Variants in JAM3 observed in about 807,000 individuals in gnomAD.
JAM3 encodes the protein junctional adhesion molecule C.
In JAM3, 31 loss-of-function variants were observed where a neutral mutation model predicts 39.4. That is an observed-to-expected ratio of 0.79 (90% CI 0.59 to 1.06). The LOEUF is 1.06. Ranked by LOEUF, JAM3 falls within the 50% of genes least tolerant of loss-of-function variation. The pLI, the probability that JAM3 is intolerant of heterozygous loss-of-function variation, is 0.00. For missense variants in JAM3, 455 were observed against 391.4 expected (o/e 1.16, Z -1.37); for synonymous variants, 182 against 148.7 (o/e 1.22, Z -1.63).
chr11:134,115,863 C>T (rs1362433871), intron 1 of JAM3, among the ~76,000 whole-genome samples: 1 of 152,130 alleles, frequency 6.6e-6, no homozygotes, highest in Non-Finnish European at 1.5e-5. Context: ...CGCCACTACA[C>T]TCAAGCCTGG....
chr11:134,113,222 A>C (rs1272927441), intron 1 of JAM3, among the ~76,000 whole-genome samples: 1 of 147,662 alleles, frequency 6.8e-6, no homozygotes, highest in Non-Finnish European at 1.5e-5. Flanking sequence ...TTAATACTTT[A>C]AGGGTACATG....
chr11:134,131,393 A>T (rs1005723719), intron 1 of JAM3, among the ~76,000 whole-genome samples: 1 of 152,080 alleles, frequency 6.6e-6, no homozygotes. Flanking sequence ...ATGGACTACT[A>T]CAGCCTTAAA....
intron 1 of JAM3, among the ~76,000 whole-genome samples, chr11:134,135,798 G>T (rs1942854300): frequency 6.6e-6 from 1 of 152,082 alleles, no homozygotes; most frequent in Non-Finnish European, 1.5e-5. Flanking sequence ...GCCAGGCGCG[G>T]TGGCCCACCC....
At chr11:134,079,485 A>G (rs1941629048) in intron 1 of JAM3, among the ~76,000 whole-genome samples, 1 of 152,158 alleles carries the variant, frequency 6.6e-6, no homozygotes, top group East Asian at 1.9e-4. Flanking sequence ...CACCCACTGC[A>G]TCTCTGGAAG....
intron 1 of JAM3, among the ~76,000 whole-genome samples, chr11:134,122,438 A>G (rs1302284465): frequency 6.6e-6 from 1 of 152,198 alleles, no homozygotes; most frequent in Non-Finnish European, 1.5e-5. Flanking sequence ...TGCCTTCCAC[A>G]AAGGATCAGA....
chr11:134,146,555 T>C (rs546620251), intron 6 of JAM3, among the ~76,000 whole-genome samples: 1 of 151,780 alleles, frequency 6.6e-6, no homozygotes, highest in African/African-American at 2.4e-5. Flanking sequence ...GGGGAGCTTT[T>C]TTTTTTCTTA....
intron 3 of JAM3, among the ~76,000 whole-genome samples, chr11:134,141,731 G>A (rs1269940596): frequency 3.9e-5 from 6 of 152,086 alleles, no homozygotes; most frequent in Non-Finnish European, 5.9e-5. Context: ...GACTCGAGGG[G>A]AGGCCTGCTG....
chr11:134,072,753 T>C (rs190088690), intron 1 of JAM3, among the ~76,000 whole-genome samples: 1 of 152,240 alleles, frequency 6.6e-6, no homozygotes, highest in Admixed American at 6.5e-5. Context: ...CTACTAAAAA[T>C]ACAAAAATTA....
intron 1 of JAM3, among the ~76,000 whole-genome samples, chr11:134,091,466 T>C (rs1185372005): frequency 2.6e-5 from 4 of 151,922 alleles, no homozygotes; most frequent in Non-Finnish European, 4.4e-5. Context: ...CCCACTGCAC[T>C]CCAACCTGGG....
At chr11:134,104,037 C>T (rs1591784047) in intron 1 of JAM3, among the ~76,000 whole-genome samples, 1 of 152,202 alleles carries the variant, frequency 6.6e-6, no homozygotes, top group Non-Finnish European at 1.5e-5. Context: ...CTCTCCACCC[C>T]AAATCAACAG....
chr11:134,130,722 T>G (rs1233831652), intron 1 of JAM3, among the ~76,000 whole-genome samples: 1 of 152,212 alleles, frequency 6.6e-6, no homozygotes, highest in Non-Finnish European at 1.5e-5. Flanking sequence ...GATTTGGTCT[T>G]GAAGAGGCAA....
At chr11:134,138,208 A>G (rs533922786) in intron 1 of JAM3, among the ~76,000 whole-genome samples, 5 of 122,818 alleles carry the variant, frequency 4.1e-5, no homozygotes, top group African/African-American at 1.9e-4. Flanking sequence ...ACTGAGAGAA[A>G]TGTTTATGGC....
intron 1 of JAM3, among the ~76,000 whole-genome samples, chr11:134,077,054 C>T (rs761570366): frequency 4.0e-5 from 6 of 151,882 alleles, no homozygotes; most frequent in Admixed American, 2.6e-4. Flanking sequence ...AGGCTGGTCT[C>T]GAACTCCTGA....
intron 1 of JAM3, among the ~76,000 whole-genome samples, chr11:134,073,051 CGAAA>C (rs1941508588): frequency 1.3e-5 from 2 of 152,128 alleles, no homozygotes; most frequent in African/African-American, 4.8e-5. Flanking sequence ...AAAGCGATCC[CGAAA>C]GAAAGTTTTG....
chr11:134,147,588 A>G (rs1357457273), intron 6 of JAM3, among the ~76,000 whole-genome samples: 4 of 150,716 alleles, frequency 2.7e-5, no homozygotes, highest in Admixed American at 6.6e-5. Context: ...CCGGGTTCAC[A>G]CCTTTCTCCT....
chr11:134,135,440 G>A (rs1942845722), intron 1 of JAM3, among the ~76,000 whole-genome samples: 1 of 152,070 alleles, frequency 6.6e-6, no homozygotes. Flanking sequence ...AATAAGTTTT[G>A]CAATCAGACG....
At chr11:134,137,393 C>A (rs1356922372) in intron 1 of JAM3, among the ~76,000 whole-genome samples, 2 of 152,186 alleles carry the variant, frequency 1.3e-5, no homozygotes, top group African/African-American at 4.8e-5. Flanking sequence ...TTATAATGTA[C>A]TTCTATTTCT....
chr11:134,127,958 G>C (rs188081639), intron 1 of JAM3, among the ~76,000 whole-genome samples: 42 of 152,134 alleles, frequency 2.8e-4, no homozygotes, highest in African/African-American at 9.9e-4. Context: ...TGCCTTTCTT[G>C]TTGGGAACCA....
intron 1 of JAM3, among the ~76,000 whole-genome samples, chr11:134,137,659 G>T (rs944749213): frequency 1.3e-5 from 2 of 152,224 alleles, no homozygotes; most frequent in East Asian, 3.9e-4. Context: ...AGCCAGTGGT[G>T]GTGTCTCGTC....
Sources: allele counts gnomAD v4.1 joint callset (sites outside exome capture counted in the v4.1 genomes callset), GRCh38; gene constraint gnomAD v4.1.1; transcripts MANE v1.5; gene names NCBI Gene and HGNC (gene_info 2026-07-23, HGNC 2026-07-21).